The following XKR4 variants were observed in gnomAD, a reference collection of about 807,000 sequenced individuals.
XKR4 encodes XK related 4.
In XKR4, 12 loss-of-function variants were observed where a neutral mutation model predicts 53.9. The ratio of observed to expected loss-of-function variants is 0.22; its 90% confidence interval spans 0.14 to 0.36. XKR4 has a LOEUF of 0.36. Among genes scored for constraint, XKR4 ranks in the 10% least tolerant of loss-of-function variants. The pLI, the probability that XKR4 is intolerant of heterozygous loss-of-function variation, is 1.00. For missense variants in XKR4, 799 were observed against 859.5 expected, an observed-to-expected ratio of 0.93 and a Z score of 0.88; for synonymous variants, 354 against 362.4, an observed-to-expected ratio of 0.98 and a Z score of 0.26.
At chr8:55,286,821 G>A (rs1818913289) in intron 1 of XKR4, among the ~76,000 whole-genome samples, 1 of 152,144 alleles carries the variant, frequency 6.6e-6, no homozygotes, top group South Asian at 2.1e-4. Flanking sequence ...ATCAAATGGG[G>A]AATGTGTCTT....
chr8:55,130,509 C>T (rs1421316028), intron 1 of XKR4, among the ~76,000 whole-genome samples: 8 of 152,184 alleles, frequency 5.3e-5, no homozygotes, highest in African/African-American at 1.9e-4. Context: ...GAAGTCTTGT[C>T]AGCCAAGGTG....
intron 1 of XKR4, among the ~76,000 whole-genome samples, chr8:55,232,612 CT>C (rs1818059340): frequency 6.6e-6 from 1 of 152,128 alleles, no homozygotes; most frequent in Non-Finnish European, 1.5e-5. Context: ...TGAAAATTGC[CT>C]GAATTTTTCC....
rs565105611 is a variant in XKR4, at chr8:55,195,569, T to A, written c.806+92275T>A. On this transcript the variant is annotated intron_variant, in intron 1 of 2. Coordinates refer to ENST00000327381, the MANE Select transcript of XKR4 (RefSeq NM_052898.2). Reference sequence around the variant, plus strand: ...GAGTTATAAAAAATATCTAGTTTTTTAAAAACCGTTTACATATTTTTAAAA... The same window carrying A: ...GAGTTATAAAAAATATCTAGTTTTTAAAAAACCGTTTACATATTTTTAAAA... Among the ~76,000 whole-genome samples, 214 of 152,192 alleles carry A rather than the reference T, an allele frequency of 1.4e-3. 2 individuals carry two copies. Among genetic ancestry groups the A allele is most frequent in the African/African-American group, 2.6e-3 (108 of 41,552 alleles).
At chr8:55,364,193 A>G (rs1284544710) in intron 2 of XKR4, among the ~76,000 whole-genome samples, 2 of 152,232 alleles carry the variant, frequency 1.3e-5, no homozygotes, top group Non-Finnish European at 2.9e-5. Flanking sequence ...TGAATCACAC[A>G]GTTCCGATCA....
intron 1 of XKR4, among the ~76,000 whole-genome samples, chr8:55,326,468 C>CT (rs10666278): frequency 0.25 from 27,587 of 111,672 alleles, 4,285 homozygotes; most frequent in African/African-American, 0.38. Flanking sequence ...ATTTTTTTTC[C>CT]TTTTTTTTTT....
chr8:55,140,425 C>T (rs540964574), intron 1 of XKR4, among the ~76,000 whole-genome samples: 89 of 152,286 alleles, frequency 5.8e-4, no homozygotes, highest in African/African-American at 2.0e-3. Context: ...ACAAGATGCT[C>T]CTGTTGCTGG....
At chr8:55,140,125 G>A (rs1239921863) in intron 1 of XKR4, 2 of 425,218 alleles carry the variant, frequency 4.7e-6, no homozygotes, top group Non-Finnish European at 9.3e-6. Context: ...TCTTTTAGAT[G>A]AAAATTCTCC....
rs188522636 is a variant in XKR4, at chr8:55,430,609, C to T, written c.1006+72732C>T. ...AATATTAATACTCCAGCTGTGCTAT[C>T]CTACTATAGCTTTGTAAGAGGTCAC... On this transcript the variant is annotated intron_variant, in intron 2 of 2. Transcript: ENST00000327381. 2.2e-4 allele frequency among the ~76,000 whole-genome samples: 34 copies of T among 152,294 alleles called. No homozygotes were observed. In the East Asian group the frequency reaches 6.2e-3, roughly 28 times the overall value.
intron 2 of XKR4, chr8:55,454,418 C>A (rs1805522813): frequency 2.3e-6 from 3 of 1,298,554 alleles, no homozygotes; most frequent in Non-Finnish European, 2.2e-6. Context: ...GAGGCTCCTG[C>A]AGGCATCGGT....
chr8:55,423,287 G>A lies in XKR4; in HGVS notation c.1006+65410G>A, dbSNP rs545063538. Among the ~76,000 whole-genome samples the A allele has an allele frequency of 6.2e-4, 95 of 152,104 alleles. 1 individual carries two copies. Among genetic ancestry groups the A allele is most frequent in the African/African-American group, 2.2e-3 (93 of 41,474 alleles). On this transcript the variant is annotated intron_variant, in intron 2 of 2. Transcript: ENST00000327381. ...ATTTTTGTGTTTTAGTAGAGAAGGGGTTTCACCATGTTGGCCAGGCTGGTC... is the reference window on the plus strand; with the variant it reads ...ATTTTTGTGTTTTAGTAGAGAAGGGATTTCACCATGTTGGCCAGGCTGGTC...
intron 1 of XKR4, among the ~76,000 whole-genome samples, chr8:55,187,230 G>A (rs142835975): frequency 8.7e-4 from 126 of 145,348 alleles, no homozygotes; most frequent in East Asian, 3.9e-3. Context: ...AGACTGCCAG[G>A]CACCACACTC....
At chr8:55,401,721 A>G (rs1365536514) in intron 2 of XKR4, among the ~76,000 whole-genome samples, 1 of 152,220 alleles carries the variant, frequency 6.6e-6, no homozygotes, top group Admixed American at 6.5e-5. Context: ...GCAGCCATTC[A>G]CAAGTGTTTT....
At position 55,526,314 on chromosome 8, in the gene XKR4, T is replaced by G. The variant is rs539906141; in HGVS notation, c.*2087T>G. 2.2e-3 allele frequency: 338 copies of G among 152,366 alleles called. 4 individuals are homozygous for G. Among genetic ancestry groups the G allele is most frequent in the African/African-American group, 7.5e-3 (310 of 41,592 alleles). The allele number at this position is 152,366 out of a possible 1,614,324, so 9.4% of individuals were successfully genotyped here. A position where few individuals can be genotyped will look rare whatever the true frequency, so the allele number is the denominator to read the frequency against. ...AGTAACAGAGGGCTCAACCTAGGAC[T>G]TCTTTTGGTACAAAGCCCCAAATCA... On this transcript the variant is annotated 3_prime_UTR_variant, in exon 3 of 3. Transcript: ENST00000327381.
chr8:55,449,498 G>C (rs1291784829), intron 2 of XKR4: 4 of 1,281,002 alleles, frequency 3.1e-6, no homozygotes, highest in Non-Finnish European at 4.5e-6. Flanking sequence ...AGCCAGGCAA[G>C]GTCGGGAGGC....
At chr8:55,392,147 A>G (rs962324614) in intron 2 of XKR4, among the ~76,000 whole-genome samples, 20 of 152,204 alleles carry the variant, frequency 1.3e-4, no homozygotes, top group Admixed American at 9.2e-4. Flanking sequence ...TGTGTTTTGT[A>G]TGGATGTCCT....
chr8:55,268,951 G>A (rs958781986), intron 1 of XKR4, among the ~76,000 whole-genome samples: 1 of 152,180 alleles, frequency 6.6e-6, no homozygotes, highest in Non-Finnish European at 1.5e-5. Context: ...TTGTGCTAAA[G>A]TGTGTGCAAA....
At chr8:55,338,126 G>A (rs1275051160) in intron 1 of XKR4, among the ~76,000 whole-genome samples, 1 of 152,188 alleles carries the variant, frequency 6.6e-6, no homozygotes, top group African/African-American at 2.4e-5. Context: ...AGGTCACATG[G>A]ATATTAGAGA....
intron 1 of XKR4, chr8:55,161,402 A>G: frequency 2.6e-6 from 1 of 386,588 alleles, no homozygotes; most frequent in Non-Finnish European, 5.1e-6. Flanking sequence ...CATCACAGTG[A>G]CTGTCATAAT....
chr8:55,173,411 A>G (rs1336002068), intron 1 of XKR4, among the ~76,000 whole-genome samples: 3 of 152,148 alleles, frequency 2.0e-5, no homozygotes, highest in East Asian at 3.9e-4. Flanking sequence ...ATACAAAAAT[A>G]TATATAGTTT....
Sources: allele counts gnomAD v4.1 joint callset (sites outside exome capture counted in the v4.1 genomes callset), GRCh38; gene constraint gnomAD v4.1.1; transcripts MANE v1.5; gene names NCBI Gene and HGNC (gene_info 2026-07-23, HGNC 2026-07-21).